GLDC: variants seen among roughly 807,000 people sequenced by gnomAD.
The protein encoded by GLDC is glycine dehydrogenase (decarboxylating), mitochondrial.
A neutral mutation model predicts 121.3 loss-of-function variants in GLDC; 104 were observed. The observed-to-expected ratio is 0.86, with a 90% CI of 0.73 to 1.01. GLDC has a LOEUF of 1.01. Among genes scored for constraint, GLDC ranks in the 50% least tolerant of loss-of-function variants. The pLI is 0.00. For synonymous variants in GLDC, 546 were observed against 480.6 expected, an observed-to-expected ratio of 1.14 and a Z score of -1.78; for missense variants, 1,429 against 1,306.6, an observed-to-expected ratio of 1.09 and a Z score of -1.44.
chr9:6,637,452 T>C (rs1200194711), intron 2 of GLDC, among the ~76,000 whole-genome samples: 4 of 152,124 alleles, frequency 2.6e-5, no homozygotes, highest in African/African-American at 9.6e-5. Context: ...TTTTTAATTT[T>C]GTTTTGTCTT....
Position 6,614,753 on chromosome 9 carries a change from G to A in GLDC, c.471-4397C>T, listed in dbSNP as rs115933648. Among the ~76,000 whole-genome samples the A allele has an allele frequency of 5.5e-3, 844 of 152,136 alleles. 11 individuals are homozygous for A. Among genetic ancestry groups the A allele is most frequent in the African/African-American group, 0.019 (783 of 41,518 alleles). ...AGAAATATGCTCTGAGAAATACATCGTTAGGTGATTTAGTCATTGTTGTGT... is the reference window on the plus strand; with the variant it reads ...AGAAATATGCTCTGAGAAATACATCATTAGGTGATTTAGTCATTGTTGTGT... On this transcript the variant is annotated intron_variant, in intron 3 of 24. Coordinates refer to ENST00000321612, the MANE Select transcript of GLDC (RefSeq NM_000170.3).
At chr9:6,553,327 C>T (rs755854739) in intron 20 of GLDC, 41 bp downstream of exon 20, 3 of 1,602,434 alleles carry the variant, frequency 1.9e-6, no homozygotes, top group Non-Finnish European at 2.6e-6. Flanking sequence ...TGCCTGACGC[C>T]CCCACCCACC....
intron 2 of GLDC, among the ~76,000 whole-genome samples, chr9:6,638,976 T>C (rs950140588): frequency 1.1e-4 from 17 of 151,426 alleles, no homozygotes; most frequent in African/African-American, 3.2e-4. Context: ...GCCACTGCAC[T>C]CTAGCCTGGG....
At chr9:6,565,944 T>A (rs1328777219) in intron 15 of GLDC, 3 of 204,344 alleles carry the variant, frequency 1.5e-5, no homozygotes, top group Non-Finnish European at 3.0e-5. Flanking sequence ...GTATTGTTTT[T>A]AAAAATATAA....
chr9:6,643,533 G>C (rs1170582670), intron 2 of GLDC, among the ~76,000 whole-genome samples: 1 of 128,654 alleles, frequency 7.8e-6, no homozygotes, highest in Non-Finnish European at 1.6e-5. Context: ...AACCAGATGA[G>C]ATTTTTTTTA....
intron 2 of GLDC, among the ~76,000 whole-genome samples, chr9:6,644,050 A>AAAAAAAAAAAAAAAAAAAC (rs55988287): frequency 3.2e-5 from 3 of 92,700 alleles, no homozygotes; most frequent in East Asian, 4.0e-4. Flanking sequence ...AAAAAAAAAA[A>AAAAAAAAAAAAAAAAAAAC]CGAAAAAAAA....
chr9:6,588,522 G>A (rs1283432418), intron 13 of GLDC, 80 bp from the exon 14 acceptor site: 1 of 1,438,098 alleles, frequency 7.0e-7, no homozygotes, highest in Non-Finnish European at 9.8e-7. Context: ...TCCCAGCATG[G>A]CCACCCCTTT....
intron 2 of GLDC, among the ~76,000 whole-genome samples, chr9:6,640,940 C>G (rs1306351051): frequency 6.6e-6 from 1 of 152,184 alleles, no homozygotes; most frequent in Non-Finnish European, 1.5e-5. Flanking sequence ...TTGCCAGTGA[C>G]ACATATCCTT....
At chr9:6,598,419 T>C (rs904006956) in intron 8 of GLDC, among the ~76,000 whole-genome samples, 11 of 152,154 alleles carry the variant, frequency 7.2e-5, no homozygotes, top group Non-Finnish European at 1.2e-4. Context: ...AAAAGAATCA[T>C]TAACACACTT....
chr9:6,633,192 G>GA (rs1218865692), intron 2 of GLDC, among the ~76,000 whole-genome samples: 1 of 152,060 alleles, frequency 6.6e-6, no homozygotes, highest in African/African-American at 2.4e-5. Context: ...TCGAGAATAC[G>GA]ACACAGGGGT....
At chr9:6,540,169 C>T (rs752574737) in intron 21 of GLDC, 23 bp from the exon 22 acceptor site, 1 of 1,399,612 alleles carries the variant, frequency 7.1e-7, no homozygotes, top group East Asian at 2.3e-5. Flanking sequence ...GTTGTTTCAG[C>T]CCAAGATTAG....
chr9:6,581,031 C>G (rs1054176530), intron 15 of GLDC, among the ~76,000 whole-genome samples: 9 of 152,234 alleles, frequency 5.9e-5, no homozygotes, highest in African/African-American at 2.2e-4. Context: ...ATCTCTGCCT[C>G]TCCACCTGAG....
intron 15 of GLDC, among the ~76,000 whole-genome samples, chr9:6,579,044 A>C (rs1210085204): frequency 2.6e-5 from 4 of 152,092 alleles, no homozygotes; most frequent in Non-Finnish European, 5.9e-5. Context: ...CTATGTTTTT[A>C]AATTTGTTGA....
chr9:6,592,843 T>G lies in GLDC; in HGVS notation c.1401+8A>C. 6.2e-7 allele frequency: 1 copy of G among 1,612,062 alleles called. No individual in the cohort carries two copies. The highest frequency in any genetic ancestry group is 8.5e-7 in the Non-Finnish European group (1 of 1,179,406). ...AAAACTGGTAAAAATACTGAAAATT[T>G]GACTTACTGTGCCATCCTCAAAAAG... is the stretch of plus-strand genomic sequence containing the variant. On this transcript the variant is annotated splice_region_variant and intron_variant, in intron 10 of 24. Transcript: ENST00000321612.
At chr9:6,556,075 A>C (rs1817623401) in intron 18 of GLDC, 78 bp downstream of exon 18, 1 of 1,282,812 alleles carries the variant, frequency 7.8e-7, no homozygotes, top group Non-Finnish European at 1.1e-6. Flanking sequence ...GAAGCCTCTC[A>C]AGAAGTCAGA....
At chr9:6,555,156 C>CG (rs1170942635) in intron 18 of GLDC, among the ~76,000 whole-genome samples, 4 of 152,222 alleles carry the variant, frequency 2.6e-5, no homozygotes, top group Non-Finnish European at 5.9e-5. Context: ...CCCTGAGCAG[C>CG]GCTACCTTCC....
At chr9:6,550,757 G>C in intron 21 of GLDC, 46 bp downstream of exon 21, 8 of 1,251,236 alleles carry the variant, frequency 6.4e-6, no homozygotes, top group Non-Finnish European at 9.4e-6. Context: ...ACTTAGTTTG[G>C]CCAAGAAAAA....
At chr9:6,639,009 A>AC in intron 2 of GLDC, 1 of 431,508 alleles carries the variant, frequency 2.3e-6, no homozygotes. Context: ...ACTCTGTCTC[A>AC]GAAAAAAAAA....
intron 2 of GLDC, among the ~76,000 whole-genome samples, chr9:6,630,514 T>C (rs952711937): frequency 2.6e-5 from 4 of 152,056 alleles, no homozygotes; most frequent in African/African-American, 9.7e-5. Context: ...TCCAAGGAAA[T>C]CATCAGGACT....
Sources: gnomAD v4.1 joint callset for allele counts (sites outside exome capture counted in the v4.1 genomes callset) on GRCh38, gnomAD v4.1.1 for gene constraint, MANE v1.5 for transcripts, NCBI Gene and HGNC (gene_info 2026-07-23, HGNC 2026-07-21) for gene names.